The following DOP1B variants were observed in gnomAD, a reference collection of about 807,000 sequenced individuals.
DOP1B encodes DOP1 leucine zipper like protein B.
A neutral mutation model predicts 233.5 loss-of-function variants in DOP1B; 174 were observed. That is an observed-to-expected ratio of 0.75 (90% CI 0.66 to 0.85). The LOEUF (loss-of-function observed/expected upper bound fraction) is 0.85. DOP1B is among the 40% of genes least tolerant of loss of function. DOP1B has a pLI of 0.00. For synonymous variants in DOP1B, 1,190 were observed against 1,185.6 expected, an observed-to-expected ratio of 1.00 and a Z score of -0.08; for missense variants, 2,652 against 2,846.6, an observed-to-expected ratio of 0.93 and a Z score of 1.56.
In DOP1B at chr21:36,281,493, C is replaced by G; in HGVS notation, c.6042C>G (p.Ser2014Arg). The G allele has an allele frequency of 6.2e-7, 1 of 1,601,624 alleles. No homozygotes were observed. Among genetic ancestry groups the G allele is most frequent in the Non-Finnish European group, 8.5e-7 (1 of 1,169,956 alleles). The change falls in exon 32 of 37, where the codon AGC (serine) becomes AGG (arginine). Residue 2014 changes from serine (S) to arginine (R), a missense_variant. By Grantham distance (110) the Ser-to-Arg change is moderately radical. Around this residue, in one of 3 missense-constraint regions of DOP1B, gnomAD observed 2,617 missense variants for 2,794.3 expected, o/e 0.94. Coordinates refer to ENST00000691173, the MANE Select transcript of DOP1B (RefSeq NM_001320714.2). ...CTGTATTTATTCTAGACATGCAGAG[C>G]AGTTCTTTGAAACTATTCTCAAGTT... ...TMFKDLMNMQSSSLKLFSSFE... is the reference protein window; with the variant it reads ...TMFKDLMNMQRSSLKLFSSFE...
At chr21:36,223,441 A>G in intron 11 of DOP1B, 91 bp downstream of exon 11, 1 of 1,492,368 alleles carries the variant, frequency 6.7e-7, no homozygotes, top group Non-Finnish European at 8.9e-7. Context: ...ATTATATATA[A>G]GTAGCTGAAG....
intron 2 of DOP1B, among the ~76,000 whole-genome samples, chr21:36,168,313 G>A (rs551330408): frequency 6.6e-6 from 1 of 152,192 alleles, no homozygotes; most frequent in South Asian, 2.1e-4. Flanking sequence ...TGTGAATAGT[G>A]TTGCTATGAG....
At chr21:36,179,436 C>T (rs1461534218) in intron 2 of DOP1B, among the ~76,000 whole-genome samples, 3 of 152,146 alleles carry the variant, frequency 2.0e-5, no homozygotes, top group Non-Finnish European at 2.9e-5. Context: ...GCATTTTGTA[C>T]ATGACAGATG....
Position 36,239,804 on chromosome 21 carries a change from T to C in DOP1B, c.2916T>C (p.Asp972=). ...FVVLDSLACT[D]GAIGAAAQGW... Reference sequence around the variant, plus strand: ...TGCTGGACAGCCTGGCCTGCACGGATGGTGCCATCGGTGCGGCAGCCCAGG... The same window carrying C: ...TGCTGGACAGCCTGGCCTGCACGGACGGTGCCATCGGTGCGGCAGCCCAGG... Residue 972 remains aspartate, a synonymous_variant, in exon 18 of 37, where the codon GAT becomes GAC. Coordinates refer to ENST00000691173, the MANE Select transcript of DOP1B (RefSeq NM_001320714.2). 1 of 1,560,252 alleles carries C rather than the reference T, an allele frequency of 6.4e-7. No homozygotes were observed. Among genetic ancestry groups the C allele is most frequent in the Non-Finnish European group, 8.7e-7 (1 of 1,153,068 alleles).
intron 4 of DOP1B, among the ~76,000 whole-genome samples, chr21:36,203,461 GGAAGACT>G (rs2066393142): frequency 1.3e-5 from 2 of 152,164 alleles, no homozygotes; most frequent in Non-Finnish European, 2.9e-5. Context: ...CCAGCTATTT[GGAAGACT>G]GAGGCAGAAG....
At position 36,246,749 on chromosome 21, in the gene DOP1B, G is replaced by T; in HGVS notation, c.4697+72G>T. The T allele has an allele frequency of 6.6e-7, 1 of 1,523,744 alleles. No homozygotes were observed. Among genetic ancestry groups the T allele is most frequent in the African/African-American group, 1.4e-5 (1 of 73,230 alleles). 94.4% of individuals were successfully genotyped at this position (1,523,744 alleles called of 1,614,324 possible). ...TTATAACGAATGACTGTTTTGCCACGGATGTGGATGTCGGTTGGAGGATAA... is the reference window on the plus strand; with the variant it reads ...TTATAACGAATGACTGTTTTGCCACTGATGTGGATGTCGGTTGGAGGATAA... On this transcript the variant is annotated intron_variant, in intron 19 of 36. Transcript: ENST00000691173. The surrounding 1 kb of genome is among the most constrained non-coding windows in gnomAD (Gnocchi z 5.1).
rs1195943322 is a variant in DOP1B at position 36,245,209 on chromosome 21, A to T, written c.3229A>T (p.Lys1077Ter). ...IWAEVEKEPE[K>*]YPLRGELSEE... is the part of the protein sequence containing the mutation. Reference sequence around the variant, plus strand: ...GGCCGAAGTGGAGAAGGAGCCCGAGAAGTACCCGCTGCGAGGCGAGCTGAG... The same window carrying T: ...GGCCGAAGTGGAGAAGGAGCCCGAGTAGTACCCGCTGCGAGGCGAGCTGAG... Residue 1077 changes from lysine to a stop codon, truncating the protein, a stop_gained, in exon 19 of 37, where the codon AAG becomes TAG. Coordinates refer to ENST00000691173, the MANE Select transcript of DOP1B (RefSeq NM_001320714.2). LOFTEE classifies it high-confidence loss of function. The surrounding 1 kb of genome is among the most constrained non-coding windows in gnomAD (Gnocchi z 5.5). The T allele has an allele frequency of 6.2e-7, 1 of 1,614,060 alleles. No individual in the cohort carries two copies. Among genetic ancestry groups the T allele is most frequent in the Non-Finnish European group, 8.5e-7 (1 of 1,180,042 alleles).
intron 1 of DOP1B, among the ~76,000 whole-genome samples, chr21:36,163,030 A>T (rs1010192822): frequency 6.6e-6 from 1 of 151,704 alleles, no homozygotes; most frequent in East Asian, 1.9e-4. Context: ...AACAGAAAGG[A>T]CCTCTGCCAT....
Position 36,288,804 on chromosome 21 carries a change from T to G in DOP1B, c.6346T>G (p.Ser2116Ala). Reference protein sequence around the residue: ...LEEDLKDEDESLRSTNKVNRT... With the variant: ...LEEDLKDEDEALRSTNKVNRT... ...AGAAGATCTAAAAGATGAAGATGAGTCATTGAGGTAAGCAGTACAAGATCT... is the reference window on the plus strand; with the variant it reads ...AGAAGATCTAAAAGATGAAGATGAGGCATTGAGGTAAGCAGTACAAGATCT... The change falls in exon 34 of 37, where the codon TCA becomes GCA. Residue 2116 changes from serine (S) to alanine (A), a missense_variant. Transcript: ENST00000691173. 6.2e-7 allele frequency: 1 copy of G among 1,612,326 alleles called. No individual in the cohort carries two copies. Among genetic ancestry groups the G allele is most frequent in the Non-Finnish European group, 8.5e-7 (1 of 1,178,926 alleles).
intron 1 of DOP1B, among the ~76,000 whole-genome samples, chr21:36,162,233 T>G (rs1362412859): frequency 6.6e-6 from 1 of 152,162 alleles, no homozygotes; most frequent in Non-Finnish European, 1.5e-5. Context: ...CTCATTCTGT[T>G]GCCCAGACTG....
intron 3 of DOP1B, among the ~76,000 whole-genome samples, chr21:36,199,515 C>G (rs944322409): frequency 1.3e-5 from 2 of 151,994 alleles, no homozygotes; most frequent in East Asian, 3.9e-4. Context: ...TATACATGTG[C>G]CATGTTGGTG....
chr21:36,292,258 T>TTTC lies in DOP1B; in HGVS notation c.6645+27_6645+28insCTT, dbSNP rs1246337037. ...GGTAAGTGCTTTTCTTTTCTTTTCT[T>TTTC]TTTTTTTTTTTTTGGTGAGACAGAG... On this transcript the variant is annotated intron_variant, in intron 36 of 36. Coordinates refer to ENST00000691173, the MANE Select transcript of DOP1B (RefSeq NM_001320714.2). The TTTC allele has an allele frequency of 4.7e-6, 5 of 1,072,130 alleles. No individual in the cohort carries two copies. The South Asian group carries it at 6.2e-5, about 13-fold the overall frequency. The allele number at this position is 1,072,130 out of a possible 1,614,324, so 66.4% of individuals were successfully genotyped here. A position where few individuals can be genotyped will look rare whatever the true frequency, so the allele number is the denominator to read the frequency against.
In DOP1B at chr21:36,180,543, G is replaced by T. The variant is rs529562324; in HGVS notation, c.138+15672G>T. Among the ~76,000 whole-genome samples the T allele has an allele frequency of 7.9e-4, 120 of 151,832 alleles. 1 individual carries two copies. The highest frequency in any genetic ancestry group is 2.8e-3 in the African/African-American group (115 of 41,386). The stretch of plus-strand genomic sequence containing the variant: ...CTGAGATCAGGCCTGGGCAATAGAC[G>T]GCGCTCCAGCCTGGGCAAGAGTGAA... On this transcript the variant is annotated intron_variant, in intron 2 of 36. Coordinates refer to ENST00000691173, the MANE Select transcript of DOP1B (RefSeq NM_001320714.2).
chr21:36,263,594 A>G lies in DOP1B; in HGVS notation c.5364A>G (p.Val1788=). The change falls in exon 25 of 37, where the codon GTA becomes GTG. Residue 1788 remains valine (V), a synonymous_variant. Coordinates refer to ENST00000691173, the MANE Select transcript of DOP1B (RefSeq NM_001320714.2). ...AGAACTTTTCTTCACTGTTGGGAGT[A>G]TTGAAAGAGTCTGTACAGTTGAATC... ...LQENFSSLLG[V]LKESVQLNLA... 6.2e-7 allele frequency: 1 copy of G among 1,614,202 alleles called. No individual in the cohort carries two copies. The highest frequency in any genetic ancestry group is 8.5e-7 in the Non-Finnish European group (1 of 1,180,040).
intron 2 of DOP1B, among the ~76,000 whole-genome samples, chr21:36,184,337 C>T (rs1395847350): frequency 6.6e-6 from 1 of 152,168 alleles, no homozygotes; most frequent in African/African-American, 2.4e-5. Context: ...GTGTGAGCCA[C>T]CACGCCCGGC....
intron 12 of DOP1B, 120 bp from the exon 13 acceptor site, chr21:36,227,566 G>C: frequency 1.1e-6 from 1 of 909,266 alleles, no homozygotes; most frequent in Non-Finnish European, 1.6e-6. Flanking sequence ...AAGAAAGAAA[G>C]AAAGAAAATT....
At chr21:36,249,105 A>C (rs2067003850) in intron 21 of DOP1B, among the ~76,000 whole-genome samples, 1 of 150,518 alleles carries the variant, frequency 6.6e-6, no homozygotes, top group South Asian at 2.1e-4. Context: ...ACCCCATCTC[A>C]AAAAAAAATA....
chr21:36,197,133 C>T (rs2066300403), intron 2 of DOP1B, among the ~76,000 whole-genome samples: 1 of 152,044 alleles, frequency 6.6e-6, no homozygotes, highest in South Asian at 2.1e-4. Flanking sequence ...AGGGTTTCAT[C>T]ATGTTGGCCA....
Position 36,271,135 on chromosome 21 carries a change from A to G in DOP1B, c.5632+978A>G, listed in dbSNP as rs537423175. Among the ~76,000 whole-genome samples, 100 of 151,872 alleles carry G rather than the reference A, an allele frequency of 6.6e-4. 2 individuals are homozygous for G. Among genetic ancestry groups the G allele is most frequent in the Non-Finnish European group, 8.4e-4 (57 of 68,004 alleles). ...AAGATGTTGGAAAGTTAAAAAAAAA[A>G]AAAAAGTTTAGGCATAGGAAAAAGC... On this transcript the variant is annotated intron_variant, in intron 27 of 36. Coordinates refer to ENST00000691173, the MANE Select transcript of DOP1B (RefSeq NM_001320714.2).
Sources: allele counts gnomAD v4.1 joint callset (sites outside exome capture counted in the v4.1 genomes callset), GRCh38; gene constraint gnomAD v4.1.1; regional missense constraint gnomAD v4.1.1; non-coding constraint Gnocchi (gnomAD v3.1); transcripts MANE v1.5; gene names NCBI Gene and HGNC (gene_info 2026-07-23, HGNC 2026-07-21).